CDH15: variants seen among roughly 807,000 people sequenced by gnomAD.
CDH15 encodes cadherin 15, also known as cadherin-15.
A neutral mutation model predicts 69.4 loss-of-function variants in CDH15; 73 were observed. The observed-to-expected ratio is 1.05, with a 90% confidence interval of 0.87 to 1.28. The LOEUF (loss-of-function observed/expected upper bound fraction) is 1.28. Among genes scored for constraint, CDH15 ranks in the 50% most tolerant of loss-of-function variants. CDH15 has a pLI of 0.00. For synonymous variants in CDH15, 624 were observed against 507.7 expected (o/e 1.23, Z -3.08); for missense variants, 1,343 against 1,133.6 (o/e 1.18, Z -2.65).
chr16:89,173,164 ACCCC>A (rs1361677754), intron 1 of CDH15, among the ~76,000 whole-genome samples: 1 of 151,606 alleles, frequency 6.6e-6, no homozygotes, highest in Non-Finnish European at 1.5e-5. Flanking sequence ...ATGCGTGCTC[ACCCC>A]CCGGCCCTCC....
In CDH15 at chr16:89,185,204, T is replaced by C; in HGVS notation, c.534T>C (p.Asp178=). The part of the protein sequence containing the change: ...GTYVTRAEAT[D]ADDPETDNAA... ...ATGTGACCAGGGCAGAGGCCACAGA[T>C]GCCGACGACCCCGAGACGGACAACG... Residue 178 remains aspartate, a synonymous_variant, in exon 5 of 14, where the codon GAT becomes GAC. Transcript: ENST00000289746. 1 of 1,604,292 alleles carries C rather than the reference T, an allele frequency of 6.2e-7. No individual in the cohort carries two copies. Among genetic ancestry groups the C allele is most frequent in the Non-Finnish European group, 8.5e-7 (1 of 1,176,258 alleles).
intron 8 of CDH15, 150 bp from the exon 9 acceptor site, chr16:89,191,180 C>A: frequency 3.6e-6 from 3 of 838,886 alleles, no homozygotes; most frequent in East Asian, 2.6e-5. Context: ...GCTGTGTGTG[C>A]GTGTGTATAT....
chr16:89,194,918 C>G lies in CDH15; in HGVS notation c.2208C>G (p.Ile736Met). 6.2e-7 allele frequency: 1 copy of G among 1,608,392 alleles called. No homozygotes were observed. The highest frequency in any genetic ancestry group is 2.2e-5 in the East Asian group (1 of 44,846). ...PSVPPYDTALIYDYEGDGSVA... is the reference protein window; with the variant it reads ...PSVPPYDTALMYDYEGDGSVA... Reference sequence around the variant, plus strand: ...TGCCGCCTTACGACACAGCCCTCATCTATGACTACGAGGGTGACGGCTCGG... The same window carrying G: ...TGCCGCCTTACGACACAGCCCTCATGTATGACTACGAGGGTGACGGCTCGG... Residue 736 changes from isoleucine to methionine, a missense_variant, in exon 14 of 14, where the codon ATC (isoleucine) becomes ATG (methionine). Coordinates refer to ENST00000289746, the MANE Select transcript of CDH15 (RefSeq NM_004933.3).
chr16:89,192,626 C>T (rs1412489071), intron 11 of CDH15, among the ~76,000 whole-genome samples, 182 bp downstream of exon 11: 3 of 97,662 alleles, frequency 3.1e-5, no homozygotes, highest in Non-Finnish European at 6.2e-5. Flanking sequence ...CCCGCCCCGT[C>T]ATTACCAGCC....
intron 7 of CDH15, among the ~76,000 whole-genome samples, chr16:89,189,210 C>T (rs1915579567): frequency 6.9e-6 from 1 of 144,592 alleles, no homozygotes. Flanking sequence ...TACACAGATG[C>T]CCACGCACAG....
intron 5 of CDH15, among the ~76,000 whole-genome samples, chr16:89,186,922 C>T (rs562425891): frequency 9.6e-5 from 14 of 146,016 alleles, no homozygotes; most frequent in South Asian, 4.3e-4. Context: ...GCTCTGTAAA[C>T]GCTTACCCAG....
chr16:89,187,362 C>A, intron 5 of CDH15, 67 bp from the exon 6 acceptor site: 1 of 1,598,588 alleles, frequency 6.3e-7, no homozygotes, highest in East Asian at 2.2e-5. Context: ...CTGGCTCCCA[C>A]CCCTGACCAG....
rs1019221384 is a variant in CDH15 at position 89,192,320 on chromosome 16, G to C, written c.1731G>C (p.Val577=). ...PPQQREQPLN[V]TVCRCGKDGV... ...AGCAGCGCGAGCAGCCTCTGAACGT[G>C]ACCGTGTGCCGCTGCGGCAAGGACG... Residue 577 remains valine, a synonymous_variant, in exon 11 of 14, where the codon GTG becomes GTC. Transcript: ENST00000289746. 12 of 1,535,566 alleles carry C rather than the reference G, an allele frequency of 7.8e-6. No homozygotes were observed. The Admixed American group carries it at 9.8e-5, about 13-fold the overall frequency.
At chr16:89,192,535 C>T (rs1266423555) in intron 11 of CDH15, 91 bp downstream of exon 11, 80 of 1,441,480 alleles carry the variant, frequency 5.5e-5, no homozygotes, top group Non-Finnish European at 7.0e-5. Flanking sequence ...GCCGCTTCCT[C>T]CCCAGCTCCG....
chr16:89,172,574 A>C (rs993192573), intron 1 of CDH15, among the ~76,000 whole-genome samples: 38 of 152,220 alleles, frequency 2.5e-4, no homozygotes, highest in African/African-American at 8.9e-4. Flanking sequence ...CTCTGCCCCT[A>C]AAAATCTTGT....
intron 1 of CDH15, among the ~76,000 whole-genome samples, chr16:89,172,451 G>C (rs1199961281): frequency 6.6e-6 from 1 of 152,180 alleles, no homozygotes; most frequent in Non-Finnish European, 1.5e-5. Context: ...ACACGGCCTT[G>C]CAGAGTGGCG....
chr16:89,187,089 CTTA>C, intron 5 of CDH15, among the ~76,000 whole-genome samples: 1 of 148,594 alleles, frequency 6.7e-6, no homozygotes, highest in African/African-American at 2.6e-5. Context: ...TCTGTAAACA[CTTA>C]CCCAGCACAG....
In CDH15 at chr16:89,187,506, C is replaced by T. The variant is rs891274363; in HGVS notation, c.741C>T (p.Ile247=). 9.9e-6 allele frequency: 16 copies of T among 1,613,742 alleles called. No homozygotes were observed. The highest frequency in any genetic ancestry group is 1.2e-5 in the Non-Finnish European group (14 of 1,180,000). Residue 247 remains isoleucine, a synonymous_variant, in exon 6 of 14, where the codon ATC becomes ATT. Transcript: ENST00000289746. ...GDGLTATASA[I]ITLDDINDNA... is the part of the protein sequence containing the mutation. ...GCCTCACAGCCACTGCCTCAGCCAT[C>T]ATCACCCTTGATGACATCAATGACA...
chr16:89,188,852 G>C lies in CDH15; in HGVS notation c.978+567G>C, dbSNP rs567421014. Among the ~76,000 whole-genome samples, 351 of 115,326 alleles carry C rather than the reference G, an allele frequency of 3.0e-3. 5 individuals carry two copies. The highest frequency in any genetic ancestry group is 0.012 in the African/African-American group (338 of 28,630). 75.7% of individuals were successfully genotyped at this position (115,326 alleles called of 152,430 possible). ...CACGCACAGGTGCCCACACACAGAT[G>C]CCCACGCACAGGTGCCCACACACAG... is the stretch of plus-strand genomic sequence containing the variant. On this transcript the variant is annotated intron_variant, in intron 7 of 13. Coordinates refer to ENST00000289746, the MANE Select transcript of CDH15 (RefSeq NM_004933.3).
At chr16:89,173,963 G>C (rs775279781) in intron 1 of CDH15, among the ~76,000 whole-genome samples, 1 of 152,212 alleles carries the variant, frequency 6.6e-6, no homozygotes, top group Non-Finnish European at 1.5e-5. Context: ...CTGCATCTGG[G>C]TTTTGGGAGC....
Position 89,194,054 on chromosome 16 carries a change from A to ATGGTGTGCGGGCGGGAGTG in CDH15, c.2151+145_2151+163dup, listed in dbSNP as rs1376487263. The ATGGTGTGCGGGCGGGAGTG allele has an allele frequency of 4.8e-6, 5 of 1,033,310 alleles. No homozygotes were observed. In the African/African-American group the frequency reaches 7.9e-5, roughly 16 times the overall value. The allele number at this position is 1,033,310 out of a possible 1,614,324, so 64.0% of individuals were successfully genotyped here. ...CCGTCCCAGAGCACCGCAGAGGAAG[A>ATGGTGTGCGGGCGGGAGTG]TGGTGTGCGGGCGGGAGTGTGGAAG... is the stretch of plus-strand genomic sequence containing the variant. On this transcript the variant is annotated intron_variant, in intron 13 of 13. Coordinates refer to ENST00000289746, the MANE Select transcript of CDH15 (RefSeq NM_004933.3).
chr16:89,190,247 T>C lies in CDH15; in HGVS notation c.983T>C (p.Leu328Pro). ...NEGVLSIVKA[L>P]DYESCEHYEL... is the part of the protein sequence containing the mutation. ...GGCTGTGCTTCCTTCCCTCAGGCCC[T>C]GGACTATGAGAGCTGTGAACACTAC... The change falls in exon 8 of 14, where the codon CTG becomes CCG. Residue 328 changes from leucine to proline, a missense_variant. Physicochemically the swap from Leu to Pro is moderately conservative, Grantham distance 98 (BLOSUM62 -3). Transcript: ENST00000289746. 6.2e-7 allele frequency: 1 copy of C among 1,612,344 alleles called. No individual in the cohort carries two copies. The highest frequency in any genetic ancestry group is 8.5e-7 in the Non-Finnish European group (1 of 1,179,748).
rs775938598 is a variant in CDH15, at chr16:89,191,284, G to A, written c.1233-46G>A. The A allele has an allele frequency of 5.6e-6, 9 of 1,611,476 alleles. 1 individual carries two copies. The South Asian group carries it at 9.9e-5, about 18-fold the overall frequency. On this transcript the variant is annotated intron_variant, in intron 8 of 13. Transcript: ENST00000289746. Reference sequence around the variant, plus strand: ...ACCCATACCTGACCACACCTGTGGGGCCCTGGGGTAAACTCAGATCCCACT... The same window carrying A: ...ACCCATACCTGACCACACCTGTGGGACCCTGGGGTAAACTCAGATCCCACT...
rs751599611 is a variant in CDH15 at position 89,193,933 on chromosome 16, C to T, written c.2151+20C>T. The stretch of plus-strand genomic sequence containing the variant: ...AATGATGTAGGTGCTCCTGGGGACA[C>T]CCCAGTACACACAGGCACGCACAGG... On this transcript the variant is annotated intron_variant, in intron 13 of 13. Coordinates refer to ENST00000289746, the MANE Select transcript of CDH15 (RefSeq NM_004933.3). The T allele has an allele frequency of 3.1e-6, 5 of 1,610,624 alleles. No homozygotes were observed. Among genetic ancestry groups the T allele is most frequent in the Non-Finnish European group, 4.2e-6 (5 of 1,179,192 alleles).
Sources: gnomAD v4.1 joint callset for allele counts (sites outside exome capture counted in the v4.1 genomes callset) on GRCh38, gnomAD v4.1.1 for gene constraint, MANE v1.5 for transcripts, NCBI Gene and HGNC (gene_info 2026-07-23, HGNC 2026-07-21) for gene names.